DENND2B: variants seen among roughly 807,000 people sequenced by gnomAD.
DENND2B encodes DENN domain-containing protein 2B.
DENND2B carries 32 observed loss-of-function variants against 116.0 expected under a neutral mutation model. That is an observed-to-expected ratio of 0.28 (90% CI 0.21 to 0.37). The LOEUF is 0.37. Ranked by LOEUF, DENND2B falls within the 10% of genes least tolerant of loss-of-function variation. The probability of loss-of-function intolerance (pLI) is 1.00; values close to 1 mark genes in which losing one functional copy is unlikely to be tolerated. For synonymous variants in DENND2B, 588 were observed against 583.9 expected (o/e 1.01, Z -0.10); for missense variants, 1,276 against 1,477.7 (o/e 0.86, Z 2.24).
intron 2 of DENND2B, among the ~76,000 whole-genome samples, chr11:8,732,440 A>C (rs1390577427): frequency 1.3e-5 from 2 of 152,208 alleles, no homozygotes; most frequent in African/African-American, 4.8e-5. Context: ...CTGAAGAGGA[A>C]GCAGTGCCTC....
intron 1 of DENND2B, among the ~76,000 whole-genome samples, chr11:8,882,359 C>A (rs891370609): frequency 6.6e-6 from 1 of 152,212 alleles, no homozygotes; most frequent in Non-Finnish European, 1.5e-5. Context: ...GAATGGATTA[C>A]TCTCTCCCTT....
intron 16 of DENND2B, chr11:8,697,877 C>T (rs1195778770): frequency 5.4e-6 from 3 of 550,506 alleles, no homozygotes; most frequent in Non-Finnish European, 1.0e-5. Flanking sequence ...GCCAGTAATC[C>T]CAACACTTTG....
At chr11:8,704,942 T>TC (rs929546766) in intron 13 of DENND2B, among the ~76,000 whole-genome samples, 3 of 151,728 alleles carry the variant, frequency 2.0e-5, no homozygotes, top group African/African-American at 4.8e-5. Flanking sequence ...CCTCAAGTGA[T>TC]CCCCCCGCCT....
chr11:8,754,599 T>C (rs1412138417), intron 1 of DENND2B, among the ~76,000 whole-genome samples: 2 of 152,210 alleles, frequency 1.3e-5, no homozygotes, highest in African/African-American at 4.8e-5. Flanking sequence ...TGAAAATATA[T>C]GTCCACACAA....
chr11:8,712,553 T>C lies in DENND2B; in HGVS notation c.2170A>G (p.Lys724Glu), dbSNP rs1319791898. Residue 724 changes from lysine (K) to glutamate (E), a missense_variant and splice_region_variant, in exon 9 of 20, where the codon AAG becomes GAG. Physicochemically the swap from Lys to Glu is moderately conservative, Grantham distance 56. This residue lies in a region of DENND2B where 420 missense variants were observed against 631.1 expected (regional missense o/e 0.67). Coordinates refer to ENST00000313726, the MANE Select transcript of DENND2B (RefSeq NM_213618.2). The surrounding 1 kb of genome is among the most constrained non-coding windows in gnomAD (Gnocchi z 4.4). ...YLPEVSYQFP[K>E]LDRPTKQMRE... Reference sequence around the variant, plus strand: ...GGTGGGGAGAGAGAAGGCCTCACCTTGGGAAACTGGTAGGAGACTTCGGGG... The same window carrying C: ...GGTGGGGAGAGAGAAGGCCTCACCTCGGGAAACTGGTAGGAGACTTCGGGG... 4 of 1,551,680 alleles carry C rather than the reference T, an allele frequency of 2.6e-6. No individual in the cohort carries two copies. Among genetic ancestry groups the C allele is most frequent in the Non-Finnish European group, 3.5e-6 (4 of 1,146,798 alleles).
At chr11:8,908,213 A>C (rs1234709341) in intron 1 of DENND2B, among the ~76,000 whole-genome samples, 2 of 152,224 alleles carry the variant, frequency 1.3e-5, no homozygotes, top group African/African-American at 4.8e-5. Flanking sequence ...AAGTACACAC[A>C]AAAAATTTTT....
At chr11:8,785,112 G>A (rs1251030883) in intron 1 of DENND2B, 1 of 152,018 alleles carries the variant, frequency 6.6e-6, no homozygotes, top group Non-Finnish European at 1.5e-5. Flanking sequence ...AAGATGCCAC[G>A]GGTGTCCATT....
intron 3 of DENND2B, among the ~76,000 whole-genome samples, chr11:8,840,197 C>T (rs755902874): frequency 2.0e-5 from 3 of 152,104 alleles, no homozygotes; most frequent in East Asian, 1.9e-4. Flanking sequence ...CACACTTCCC[C>T]CAGCACAGCC....
At chr11:8,718,065 A>G (rs1327273512) in intron 4 of DENND2B, 173 bp from the exon 5 acceptor site, 1 of 590,194 alleles carries the variant, frequency 1.7e-6, no homozygotes, top group Non-Finnish European at 2.9e-6. Context: ...GGCTACAAAC[A>G]GATCCTGGCT....
chr11:8,782,420 T>G (rs2058462963), intron 1 of DENND2B, among the ~76,000 whole-genome samples: 1 of 152,216 alleles, frequency 6.6e-6, no homozygotes, highest in South Asian at 2.1e-4. Context: ...TTGTCCAATT[T>G]TTTTTCCTGA....
At chr11:8,773,860 G>C (rs1320724434) in intron 1 of DENND2B, among the ~76,000 whole-genome samples, 2 of 151,960 alleles carry the variant, frequency 1.3e-5, no homozygotes, top group Non-Finnish European at 2.9e-5. Context: ...TACTATCTTT[G>C]CAACTGTTCT....
At chr11:8,728,078 G>C (rs1458990530) in intron 3 of DENND2B, among the ~76,000 whole-genome samples, 1 of 151,598 alleles carries the variant, frequency 6.6e-6, no homozygotes, top group East Asian at 1.9e-4. Flanking sequence ...GATCATACTC[G>C]CTGTACCCTC....
chr11:8,771,845 G>C (rs2056958124), intron 1 of DENND2B: 1 of 152,142 alleles, frequency 6.6e-6, no homozygotes, highest in Admixed American at 6.6e-5. Context: ...GAGGGGGCCG[G>C]ACTTGTTTTT....
chr11:8,726,888 C>T (rs1357943460), intron 3 of DENND2B, among the ~76,000 whole-genome samples: 1 of 152,242 alleles, frequency 6.6e-6, no homozygotes, highest in African/African-American at 2.4e-5. Context: ...AATAAGACCA[C>T]TGCCAAGGTG....
chr11:8,774,794 C>T (rs2057390583), intron 1 of DENND2B, among the ~76,000 whole-genome samples: 1 of 152,158 alleles, frequency 6.6e-6, no homozygotes, highest in South Asian at 2.1e-4. Flanking sequence ...ATGTTACTTG[C>T]TTCTCCCCTG....
intron 1 of DENND2B, chr11:8,776,154 G>GCACACACACACA (rs753898926): frequency 3.5e-5 from 10 of 288,848 alleles, no homozygotes; most frequent in East Asian, 9.7e-5. Flanking sequence ...GCGCACGCGC[G>GCACACACACACA]CGCGCGCACA....
intron 3 of DENND2B, among the ~76,000 whole-genome samples, chr11:8,845,719 G>A (rs1174357127): frequency 6.6e-6 from 1 of 152,142 alleles, no homozygotes; most frequent in Non-Finnish European, 1.5e-5. Flanking sequence ...TCAGCCTTTG[G>A]AAAGGGGACA....
chr11:8,880,345 C>CTGGGTGTGTGTGTG (rs71485245), intron 2 of DENND2B, among the ~76,000 whole-genome samples: 87 of 120,650 alleles, frequency 7.2e-4, no homozygotes, highest in East Asian at 4.2e-3. Context: ...TCACTTTGAA[C>CTGGGTGTGTGTGTG]TGTGTGTGTG....
intron 4 of DENND2B, among the ~76,000 whole-genome samples, chr11:8,819,024 C>G (rs1214305290): frequency 6.6e-6 from 1 of 152,140 alleles, no homozygotes; most frequent in East Asian, 1.9e-4. Context: ...CTCATTATTA[C>G]CAATCTCACT....
Sources: gnomAD v4.1 joint callset for allele counts (sites outside exome capture counted in the v4.1 genomes callset) on GRCh38, gnomAD v4.1.1 for gene constraint, gnomAD v4.1.1 regional missense constraint, Gnocchi (gnomAD v3.1) non-coding constraint, MANE v1.5 for transcripts, NCBI Gene and HGNC (gene_info 2026-07-23, HGNC 2026-07-21) for gene names.